Variants in PPP1R37 observed in about 807,000 individuals in gnomAD.
PPP1R37 encodes leucine rich repeat containing 68.
Under a neutral mutation model 61.0 loss-of-function variants are expected in PPP1R37, and 21 were observed. That is an observed-to-expected ratio of 0.34 (90% confidence interval 0.24 to 0.50). The LOEUF (loss-of-function observed/expected upper bound fraction) is 0.50, where lower values mean the gene tolerates loss of function less well. PPP1R37 is among the 20% of genes least tolerant of loss of function. PPP1R37 has a pLI of 0.98. For missense variants in PPP1R37, 910 were observed against 952.7 expected (o/e 0.96, Z 0.59); for synonymous variants, 443 against 433.5 (o/e 1.02, Z -0.27).
chr19:45,124,375 C>G (rs1366829690), intron 1 of PPP1R37, among the ~76,000 whole-genome samples: 1 of 152,166 alleles, frequency 6.6e-6, no homozygotes, highest in Admixed American at 6.5e-5. Flanking sequence ...CACAGTGCCC[C>G]ATGAGTGGAG....
intron 7 of PPP1R37, 116 bp downstream of exon 7, chr19:45,142,574 G>C: frequency 6.4e-6 from 7 of 1,099,830 alleles, no homozygotes; most frequent in South Asian, 1.5e-5. Flanking sequence ...ACGCTGTCCT[G>C]CTGGGGCTCC....
At chr19:45,145,305 G>C in intron 10 of PPP1R37, 45 bp downstream of exon 10, 1 of 1,521,166 alleles carries the variant, frequency 6.6e-7, no homozygotes, top group Non-Finnish European at 8.8e-7. Context: ...GCGGAAGGCC[G>C]GGTGGTGGGG....
intron 1 of PPP1R37, among the ~76,000 whole-genome samples, chr19:45,111,560 GC>G (rs1188862725): frequency 2.0e-5 from 3 of 152,174 alleles, no homozygotes; most frequent in South Asian, 2.1e-4. Context: ...ACAGGCATGG[GC>G]CACCTTGCCC....
chr19:45,094,411 C>G (rs988159483), intron 1 of PPP1R37, among the ~76,000 whole-genome samples: 2 of 152,186 alleles, frequency 1.3e-5, no homozygotes, highest in Admixed American at 1.3e-4. Context: ...ACGGAAGGGT[C>G]CTCTTGTTCC....
chr19:45,132,581 A>G lies in PPP1R37; in HGVS notation c.203-5933A>G, dbSNP rs796247964. Among the ~76,000 whole-genome samples, 22 of 152,180 alleles carry G rather than the reference A, an allele frequency of 1.4e-4. 1 individual carries two copies. The highest frequency in any genetic ancestry group is 5.3e-4 in the African/African-American group (22 of 41,504). ...CTCCCGAGTAGCTGGGATTACAGGCACACACTACCACGCCTGGCTAATTTT... is the reference window on the plus strand; with the variant it reads ...CTCCCGAGTAGCTGGGATTACAGGCGCACACTACCACGCCTGGCTAATTTT... On this transcript the variant is annotated intron_variant, in intron 1 of 12. Coordinates refer to ENST00000221462, the MANE Select transcript of PPP1R37 (RefSeq NM_019121.2).
At chr19:45,144,695 G>T (rs559202234) in intron 8 of PPP1R37, 159 bp from the exon 9 acceptor site, 5 of 624,600 alleles carry the variant, frequency 8.0e-6, no homozygotes, top group Non-Finnish European at 1.3e-5. Context: ...TTCAGGCCAG[G>T]CCTGCGGCAG....
At chr19:45,127,292 C>T (rs1329564066) in intron 1 of PPP1R37, among the ~76,000 whole-genome samples, 3 of 137,868 alleles carry the variant, frequency 2.2e-5, no homozygotes, top group African/African-American at 8.3e-5. Context: ...GTGGAGGTTG[C>T]AGTAAGCTGA....
intron 2 of PPP1R37, among the ~76,000 whole-genome samples, chr19:45,139,098 G>A (rs962124022): frequency 2.0e-5 from 3 of 151,400 alleles, no homozygotes; most frequent in African/African-American, 7.3e-5. Context: ...TGTATTTTTA[G>A]TAGAGACGGG....
chr19:45,122,385 C>A (rs963349804), intron 1 of PPP1R37, among the ~76,000 whole-genome samples: 2 of 152,198 alleles, frequency 1.3e-5, no homozygotes. Context: ...CCCAGCCCCA[C>A]CTTCCTGTTC....
chr19:45,122,079 A>G (rs940989878), intron 1 of PPP1R37, among the ~76,000 whole-genome samples: 4 of 152,168 alleles, frequency 2.6e-5, no homozygotes, highest in African/African-American at 9.7e-5. Context: ...TCCCTATTTC[A>G]GGCCCCAGGA....
At chr19:45,131,960 A>G (rs1403848210) in intron 1 of PPP1R37, among the ~76,000 whole-genome samples, 2 of 152,206 alleles carry the variant, frequency 1.3e-5, no homozygotes, top group Non-Finnish European at 1.5e-5. Flanking sequence ...TGCTGTGGTC[A>G]TTTAACACAG....
intron 1 of PPP1R37, among the ~76,000 whole-genome samples, chr19:45,107,580 G>C (rs1968148407): frequency 6.6e-6 from 1 of 152,120 alleles, no homozygotes; most frequent in Non-Finnish European, 1.5e-5. Context: ...CTCCAGCCTA[G>C]GTGAGACTCT....
In PPP1R37 at chr19:45,146,005, C is replaced by T; in HGVS notation, c.1949C>T (p.Pro650Leu). 1 of 1,533,310 alleles carries T rather than the reference C, an allele frequency of 6.5e-7. No individual in the cohort carries two copies. Among genetic ancestry groups the T allele is most frequent in the Non-Finnish European group, 8.7e-7 (1 of 1,145,456 alleles). 95.0% of individuals were successfully genotyped at this position (1,533,310 alleles called of 1,614,324 possible). A position where few individuals can be genotyped will look rare whatever the true frequency, so the allele number is the denominator to read the frequency against. Residue 650 changes from proline to leucine, a missense_variant, in exon 11 of 13, where the codon CCC (proline) becomes CTC (leucine). Pro to Leu is a moderately conservative substitution (Grantham distance 98, BLOSUM62 -3). Around this residue, in one of 3 missense-constraint regions of PPP1R37, gnomAD observed 549 missense variants for 505.1 expected, o/e 1.09. Transcript: ENST00000221462. ...EFALALPPEP[P>L]PGPEVKGGSC... ...GCCCTGGCACTGCCCCCTGAGCCGC[C>T]CCCGGGGCCTGAGGTCAAGGGGGGC...
chr19:45,145,545 C>A lies in PPP1R37; in HGVS notation c.1489C>A (p.Pro497Thr). Residue 497 changes from proline (P) to threonine (T), a missense_variant, in exon 11 of 13, where the codon CCC (proline) becomes ACC (threonine). Pro to Thr is a conservative substitution (Grantham distance 38, BLOSUM62 -1). This residue lies in a region of PPP1R37 where 549 missense variants were observed against 505.1 expected (regional missense o/e 1.09). Coordinates refer to ENST00000221462, the MANE Select transcript of PPP1R37 (RefSeq NM_019121.2). ...CGCCGCTGGGGTGCAGAACGGGGCCCCCAGCCCCGCACCCAGCCCGGACTC... is the reference window on the plus strand; with the variant it reads ...CGCCGCTGGGGTGCAGAACGGGGCCACCAGCCCCGCACCCAGCCCGGACTC... ...EPAAGVQNGA[P>T]SPAPSPDSDS... The A allele has an allele frequency of 6.5e-7, 1 of 1,534,608 alleles. No individual in the cohort carries two copies. The highest frequency in any genetic ancestry group is 8.7e-7 in the Non-Finnish European group (1 of 1,146,346).
At chr19:45,116,013 C>T (rs150770051) in intron 1 of PPP1R37, among the ~76,000 whole-genome samples, 5 of 151,888 alleles carry the variant, frequency 3.3e-5, no homozygotes, top group East Asian at 1.9e-4. Context: ...TGGGGGGACT[C>T]GGGTGCTTAG....
intron 1 of PPP1R37, among the ~76,000 whole-genome samples, chr19:45,114,676 G>A (rs1968241917): frequency 2.0e-5 from 3 of 152,214 alleles, no homozygotes; most frequent in African/African-American, 7.2e-5. Flanking sequence ...GCTGGGCATA[G>A]TGGCTCACAC....
At chr19:45,105,651 G>C (rs1968121109) in intron 1 of PPP1R37, among the ~76,000 whole-genome samples, 1 of 152,160 alleles carries the variant, frequency 6.6e-6, no homozygotes, top group South Asian at 2.1e-4. Context: ...TCTGTGTTCT[G>C]TAATCCCCTT....
At chr19:45,125,663 C>T (rs990472867) in intron 1 of PPP1R37, among the ~76,000 whole-genome samples, 12 of 152,220 alleles carry the variant, frequency 7.9e-5, no homozygotes, top group African/African-American at 2.9e-4. Context: ...TGTAACCTTC[C>T]TGTCCCTGAC....
In PPP1R37 at chr19:45,121,169, G is replaced by A. The variant is rs1968338208; in HGVS notation, c.203-17345G>A. The stretch of plus-strand genomic sequence containing the variant: ...AGCAGTGTTTGTTCTCTTCCCCCAT[G>A]CCTCTCTGCTGAGTGCCACTGGGGA... On this transcript the variant is annotated intron_variant, in intron 1 of 12. Transcript: ENST00000221462. This position sits in a 1 kb window ranked among gnomAD's most constrained non-coding sequence, Gnocchi z 4.2. 6.6e-6 allele frequency among the ~76,000 whole-genome samples: 1 copy of A among 152,212 alleles called. No individual in the cohort carries two copies. Among genetic ancestry groups the A allele is most frequent in the Non-Finnish European group, 1.5e-5 (1 of 68,038 alleles).
Sources: gnomAD v4.1 joint callset for allele counts (sites outside exome capture counted in the v4.1 genomes callset) on GRCh38, gnomAD v4.1.1 for gene constraint, gnomAD v4.1.1 regional missense constraint, Gnocchi (gnomAD v3.1) non-coding constraint, MANE v1.5 for transcripts, NCBI Gene and HGNC (gene_info 2026-07-23, HGNC 2026-07-21) for gene names.